The following CLHC1 variants were observed in gnomAD, a reference collection of about 807,000 sequenced individuals.
The protein encoded by CLHC1 is clathrin heavy chain linker domain containing 1, also known as clathrin heavy chain linker domain-containing protein 1.
A neutral mutation model predicts 69.5 loss-of-function variants in CLHC1; 72 were observed. The observed-to-expected ratio is 1.04, with a 90% CI of 0.86 to 1.26. The LOEUF is 1.26. Among genes scored for constraint, CLHC1 ranks in the 50% most tolerant of loss-of-function variants. The pLI, the probability that CLHC1 is intolerant of heterozygous loss-of-function variation, is 0.00. For missense variants in CLHC1, 790 were observed against 679.3 expected (o/e 1.16, Z -1.81); for synonymous variants, 223 against 224.3 (o/e 0.99, Z 0.05).
At chr2:55,208,319 G>A (rs572430343) in intron 8 of CLHC1, among the ~76,000 whole-genome samples, 106 of 152,248 alleles carry the variant, frequency 7.0e-4, no homozygotes, top group African/African-American at 2.5e-3. Context: ...CACATAGCCT[G>A]AAGGCAATTT....
intron 4 of CLHC1, among the ~76,000 whole-genome samples, chr2:55,215,610 T>C (rs1190611069): frequency 6.6e-6 from 1 of 152,216 alleles, no homozygotes; most frequent in East Asian, 1.9e-4. Flanking sequence ...AGTTTACCTC[T>C]GGTTCACCCT....
intron 1 of CLHC1, chr2:55,231,910 A>G: frequency 6.6e-6 from 1 of 152,232 alleles, no homozygotes; most frequent in East Asian, 1.9e-4. Flanking sequence ...CACAAGACCC[A>G]GACTCTTCCC....
intron 9 of CLHC1, among the ~76,000 whole-genome samples, chr2:55,187,395 T>C (rs1232917215): frequency 6.6e-6 from 1 of 152,136 alleles, no homozygotes; most frequent in African/African-American, 2.4e-5. Context: ...GGAAGATCAC[T>C]TGGACTCAGA....
Position 55,173,373 on chromosome 2 carries a change from C to A in CLHC1, c.*2417G>T, listed in dbSNP as rs1669119985. 6.6e-6 allele frequency among the ~76,000 whole-genome samples: 1 copy of A among 152,264 alleles called. No individual in the cohort carries two copies. The highest frequency in any genetic ancestry group is 1.9e-4 in the East Asian group (1 of 5,184). On this transcript the variant is annotated 3_prime_UTR_variant, in exon 13 of 13. Transcript: ENST00000401408. ...TAATCTTGCTAGCAGAAATTGTGTGCAAAACAGGTATTCGGTAGATGTTGT... is the reference window on the plus strand; with the variant it reads ...TAATCTTGCTAGCAGAAATTGTGTGAAAAACAGGTATTCGGTAGATGTTGT...
intron 9 of CLHC1, among the ~76,000 whole-genome samples, chr2:55,196,605 C>T (rs1208114473): frequency 6.6e-6 from 1 of 152,200 alleles, no homozygotes; most frequent in Non-Finnish European, 1.5e-5. Flanking sequence ...AGGGAAGCCA[C>T]TGTCTTGAAA....
intron 2 of CLHC1, chr2:55,225,601 T>C (rs1254367623): frequency 6.6e-6 from 1 of 152,378 alleles, no homozygotes; most frequent in East Asian, 1.9e-4. Flanking sequence ...TCAGGAATGC[T>C]GTGGGCTTCC....
intron 1 of CLHC1, among the ~76,000 whole-genome samples, chr2:55,231,155 CAGA>C (rs1675290399): frequency 6.6e-6 from 1 of 151,238 alleles, no homozygotes; most frequent in South Asian, 2.1e-4. Flanking sequence ...GAGGCTGAGG[CAGA>C]AGAATTGCTT....
At chr2:55,186,297 A>G (rs1013319877) in intron 9 of CLHC1, among the ~76,000 whole-genome samples, 1 of 152,228 alleles carries the variant, frequency 6.6e-6, no homozygotes, top group Non-Finnish European at 1.5e-5. Context: ...GAAGAAATTA[A>G]GCTCACAATA....
intron 9 of CLHC1, among the ~76,000 whole-genome samples, chr2:55,204,256 C>T (rs1275880095): frequency 6.6e-6 from 1 of 152,060 alleles, no homozygotes; most frequent in East Asian, 1.9e-4. Context: ...TGCATTCCAG[C>T]CTGGGCAACA....
intron 9 of CLHC1, among the ~76,000 whole-genome samples, chr2:55,188,288 C>T (rs556513858): frequency 6.6e-6 from 1 of 152,136 alleles, no homozygotes; most frequent in South Asian, 2.1e-4. Context: ...TGCACTCCAG[C>T]CTAGGTGACA....
intron 1 of CLHC1, among the ~76,000 whole-genome samples, chr2:55,231,069 G>C (rs571675988): frequency 6.6e-6 from 1 of 152,114 alleles, no homozygotes; most frequent in Non-Finnish European, 1.5e-5. Flanking sequence ...GGCCAACATG[G>C]TGAAACCCCA....
intron 4 of CLHC1, among the ~76,000 whole-genome samples, chr2:55,217,477 T>G (rs1288264472): frequency 8.2e-6 from 1 of 122,102 alleles, no homozygotes; most frequent in Non-Finnish European, 1.6e-5. Context: ...GAGCCAAGAT[T>G]GCGCCATTGC....
At chr2:55,212,595 T>C in intron 5 of CLHC1, 78 bp downstream of exon 5, 2 of 1,148,342 alleles carry the variant, frequency 1.7e-6, no homozygotes, top group South Asian at 1.3e-5. Flanking sequence ...CATCAGCACA[T>C]TTATATTAAT....
intron 9 of CLHC1, among the ~76,000 whole-genome samples, chr2:55,202,636 C>T (rs1672065093): frequency 1.3e-5 from 2 of 151,692 alleles, no homozygotes; most frequent in Admixed American, 1.3e-4. Flanking sequence ...GTGGCTAACA[C>T]CTGTAATCCC....
rs1279540875 is a variant in CLHC1, at chr2:55,206,363, T to G, written c.913A>C (p.Ile305Leu). 1.9e-6 allele frequency: 3 copies of G among 1,592,876 alleles called. No homozygotes were observed. The highest frequency in any genetic ancestry group is 2.2e-5 in the East Asian group (1 of 44,682). Residue 305 changes from isoleucine to leucine, a missense_variant, in exon 9 of 13, where the codon ATC (isoleucine) becomes CTC (leucine). Ile to Leu is a conservative substitution (Grantham distance 5). Coordinates refer to ENST00000401408, the MANE Select transcript of CLHC1 (RefSeq NM_152385.4). ...GCCTTTTCATATTCACCAAGTGAGA[T>G]TAACTCATTAAACCTATAGCCATCA... Reference protein sequence around the residue: ...LHYIERFNELISLGEYEKAAC... With the variant: ...LHYIERFNELLSLGEYEKAAC...
At chr2:55,199,353 G>T (rs1319837326) in intron 9 of CLHC1, among the ~76,000 whole-genome samples, 1 of 126,164 alleles carries the variant, frequency 7.9e-6, no homozygotes, top group Non-Finnish European at 1.7e-5. Flanking sequence ...CAATCAGAAA[G>T]AAAAGGATAT....
intron 9 of CLHC1, among the ~76,000 whole-genome samples, chr2:55,195,146 C>T (rs1012453276): frequency 1.3e-5 from 2 of 152,142 alleles, no homozygotes; most frequent in Non-Finnish European, 2.9e-5. Context: ...ATTTATCCTA[C>T]ATAACTCAAA....
At chr2:55,220,502 G>A (rs1573764979) in intron 3 of CLHC1, among the ~76,000 whole-genome samples, 1 of 152,132 alleles carries the variant, frequency 6.6e-6, no homozygotes, top group Admixed American at 6.6e-5. Flanking sequence ...ATTATGCAAT[G>A]TGCAAATAGT....
rs17039586 is a variant in CLHC1, at chr2:55,209,878, C to A, written c.500-47G>T. ...CAAACACGACAAGCCATGTGTGGGA[C>A]GCTTGTGCTCAAAGAGCAAGTCTTA... On this transcript the variant is annotated intron_variant, in intron 5 of 12. Coordinates refer to ENST00000401408, the MANE Select transcript of CLHC1 (RefSeq NM_152385.4). The A allele has an allele frequency of 4.8e-6, 6 of 1,249,812 alleles. No homozygotes were observed. In the East Asian group the frequency reaches 1.2e-4, roughly 24 times the overall value. The allele number at this position is 1,249,812 out of a possible 1,614,324, so 77.4% of individuals were successfully genotyped here. A position where few individuals can be genotyped will look rare whatever the true frequency, so the allele number is the denominator to read the frequency against.
Sources: gnomAD v4.1 joint callset for allele counts (sites outside exome capture counted in the v4.1 genomes callset) on GRCh38, gnomAD v4.1.1 for gene constraint, MANE v1.5 for transcripts, NCBI Gene and HGNC (gene_info 2026-07-23, HGNC 2026-07-21) for gene names.